ARHGAP42: variants seen among roughly 807,000 people sequenced by gnomAD.
ARHGAP42 encodes rho GTPase-activating protein 42.
Under a neutral mutation model 125.0 loss-of-function variants are expected in ARHGAP42, and 63 were observed. The observed-to-expected ratio is 0.50, with a 90% CI of 0.41 to 0.62. The LOEUF is 0.62. Among genes scored for constraint, ARHGAP42 ranks in the 20% least tolerant of loss-of-function variants. The probability of loss-of-function intolerance (pLI) is 0.00; values close to 1 mark genes in which losing one functional copy is unlikely to be tolerated. For missense variants in ARHGAP42, 766 were observed against 1,024.2 expected (o/e 0.75, Z 3.44); for synonymous variants, 339 against 351.0 (o/e 0.97, Z 0.38).
At chr11:100,711,282 A>C (rs1463357549) in intron 1 of ARHGAP42, among the ~76,000 whole-genome samples, 2 of 152,064 alleles carry the variant, frequency 1.3e-5, no homozygotes, top group African/African-American at 4.8e-5. Context: ...AGCGTTTCCA[A>C]CTTTTTCTTC....
intron 1 of ARHGAP42, among the ~76,000 whole-genome samples, chr11:100,691,874 G>A (rs1861197198): frequency 6.6e-6 from 1 of 152,086 alleles, no homozygotes; most frequent in Non-Finnish European, 1.5e-5. Context: ...ATAAGTTTAT[G>A]GGGTAATGAT....
chr11:100,880,753 C>G (rs561980731), intron 4 of ARHGAP42, among the ~76,000 whole-genome samples: 4 of 152,208 alleles, frequency 2.6e-5, no homozygotes, highest in Non-Finnish European at 4.4e-5. Flanking sequence ...TCCATGCCAA[C>G]ATCTATTATT....
chr11:100,912,861 G>T (rs749430131), intron 4 of ARHGAP42, among the ~76,000 whole-genome samples: 1 of 152,008 alleles, frequency 6.6e-6, no homozygotes, highest in Non-Finnish European at 1.5e-5. Flanking sequence ...CAATTTATTC[G>T]ACTTCAAATT....
chr11:100,839,198 T>A (rs1280755235), intron 3 of ARHGAP42, among the ~76,000 whole-genome samples: 1 of 152,214 alleles, frequency 6.6e-6, no homozygotes, highest in East Asian at 1.9e-4. Flanking sequence ...CCATTCTTAA[T>A]GATATTTGTG....
chr11:100,812,471 A>G (rs1219163515), intron 3 of ARHGAP42, among the ~76,000 whole-genome samples: 1 of 152,190 alleles, frequency 6.6e-6, no homozygotes, highest in Admixed American at 6.5e-5. Flanking sequence ...GAAAGTCAAA[A>G]TGTATTATCA....
chr11:100,751,665 A>T (rs1345706985), intron 1 of ARHGAP42, among the ~76,000 whole-genome samples: 1 of 151,502 alleles, frequency 6.6e-6, no homozygotes, highest in African/African-American at 2.4e-5. Flanking sequence ...GTCTTAACAC[A>T]GGCAAGGGGG....
chr11:100,786,962 C>G (rs1671110565), intron 2 of ARHGAP42, among the ~76,000 whole-genome samples: 1 of 151,966 alleles, frequency 6.6e-6, no homozygotes, highest in African/African-American at 2.4e-5. Flanking sequence ...TGAGGGAGTT[C>G]TCATGAAGTC....
At position 100,792,025 on chromosome 11, in the gene ARHGAP42, G is replaced by A. The variant is rs527819777; in HGVS notation, c.251-3080G>A. Among the ~76,000 whole-genome samples, 3 of 152,250 alleles carry A rather than the reference G, an allele frequency of 2.0e-5. No homozygotes were observed. The East Asian group carries it at 5.8e-4, about 29-fold the overall frequency. ...ACTTCACGATTTGCTCTTGAGGTAGGAGGTACCTTAGGGGAAGCCTGTGGA... is the reference window on the plus strand; with the variant it reads ...ACTTCACGATTTGCTCTTGAGGTAGAAGGTACCTTAGGGGAAGCCTGTGGA... On this transcript the variant is annotated intron_variant, in intron 2 of 23. Transcript: ENST00000298815.
At chr11:100,723,253 C>T (rs917540573) in intron 1 of ARHGAP42, among the ~76,000 whole-genome samples, 3 of 152,086 alleles carry the variant, frequency 2.0e-5, no homozygotes, top group African/African-American at 7.2e-5. Flanking sequence ...AATACTGTTG[C>T]TTACTCTGCA....
At chr11:100,769,592 G>A (rs1427158623) in intron 1 of ARHGAP42, among the ~76,000 whole-genome samples, 1 of 151,528 alleles carries the variant, frequency 6.6e-6, no homozygotes, top group Non-Finnish European at 1.5e-5. Flanking sequence ...AAAATCAGTA[G>A]TTTATTGGTA....
chr11:100,954,778 G>T (rs1347223915), intron 12 of ARHGAP42, among the ~76,000 whole-genome samples: 1 of 152,094 alleles, frequency 6.6e-6, no homozygotes, highest in East Asian at 1.9e-4. Context: ...TTGGGCCAGG[G>T]CTATGGAGAG....
At chr11:100,719,214 C>G (rs1240761189) in intron 1 of ARHGAP42, among the ~76,000 whole-genome samples, 1 of 152,196 alleles carries the variant, frequency 6.6e-6, no homozygotes, top group Non-Finnish European at 1.5e-5. Flanking sequence ...CCACTAGATA[C>G]TGTCTTTTTC....
At chr11:100,743,595 G>A (rs1273084123) in intron 1 of ARHGAP42, among the ~76,000 whole-genome samples, 1 of 152,060 alleles carries the variant, frequency 6.6e-6, no homozygotes, top group Non-Finnish European at 1.5e-5. Flanking sequence ...GAGTTTCTTG[G>A]ATTTGGATGC....
rs1865398076 is a variant in ARHGAP42, at chr11:100,859,607, A to G, written c.366A>G (p.Glu122=). Residue 122 remains glutamate, a synonymous_variant, in exon 4 of 24, where the codon GAA becomes GAG. Transcript: ENST00000298815. ...LIAPLEKFRK[E]QIGAAKDGKK... ...CACCACTTGAGAAATTTCGAAAAGA[A>G]CAGATAGGTGCAGCAAAAGTAAGTG... 1.3e-6 allele frequency: 2 copies of G among 1,518,906 alleles called. No homozygotes were observed. Among genetic ancestry groups the G allele is most frequent in the Non-Finnish European group, 1.8e-6 (2 of 1,134,278 alleles). 94.1% of individuals were successfully genotyped at this position (1,518,906 alleles called of 1,614,324 possible).
At chr11:100,709,754 C>G (rs937963544) in intron 1 of ARHGAP42, among the ~76,000 whole-genome samples, 1 of 152,194 alleles carries the variant, frequency 6.6e-6, no homozygotes, top group Admixed American at 6.5e-5. Flanking sequence ...AAGCAGTTGA[C>G]ATACAAAATG....
intron 6 of ARHGAP42, among the ~76,000 whole-genome samples, chr11:100,927,890 G>A (rs1867471560): frequency 6.6e-6 from 1 of 152,158 alleles, no homozygotes; most frequent in African/African-American, 2.4e-5. Flanking sequence ...TTTAAAAGTA[G>A]TCTTTTCCAG....
intron 4 of ARHGAP42, among the ~76,000 whole-genome samples, chr11:100,867,209 A>G (rs1214547819): frequency 6.6e-6 from 1 of 152,258 alleles, no homozygotes; most frequent in Admixed American, 6.5e-5. Flanking sequence ...CAGCTGCATT[A>G]GCCCCTAACA....
At chr11:100,921,231 ATATATATATATATATTTTTTTTTTTTT>A (rs1867248614) in intron 5 of ARHGAP42, among the ~76,000 whole-genome samples, 7 of 48,194 alleles carry the variant, frequency 1.5e-4, no homozygotes, top group Non-Finnish European at 2.5e-4. Context: ...ATATATATAT[ATATATATATATATATTTTTTTTTTTTT>A]TTTTTTTTTT....
At chr11:100,897,558 C>G (rs977733857) in intron 4 of ARHGAP42, among the ~76,000 whole-genome samples, 1 of 152,108 alleles carries the variant, frequency 6.6e-6, no homozygotes, top group African/African-American at 2.4e-5. Flanking sequence ...TCCTTCACAT[C>G]CCTTGTAAGT....
Sources: gnomAD v4.1 joint callset for allele counts (sites outside exome capture counted in the v4.1 genomes callset) on GRCh38, gnomAD v4.1.1 for gene constraint, MANE v1.5 for transcripts, NCBI Gene and HGNC (gene_info 2026-07-23, HGNC 2026-07-21) for gene names.